SLC35F4: variants seen among roughly 807,000 people sequenced by gnomAD.
SLC35F4 encodes chromosome 14 open reading frame 36.
SLC35F4 carries 24 observed loss-of-function variants against 44.2 expected under a neutral mutation model. The observed-to-expected ratio is 0.54, with a 90% CI of 0.39 to 0.76. The LOEUF is 0.76. SLC35F4 is among the 30% of genes least tolerant of loss of function. SLC35F4 has a pLI of 0.00. For synonymous variants in SLC35F4, 238 were observed against 223.6 expected (o/e 1.06, Z -0.57); for missense variants, 562 against 586.1 (o/e 0.96, Z 0.42).
intron 1 of SLC35F4, among the ~76,000 whole-genome samples, chr14:57,802,982 T>G (rs1223151688): frequency 7.7e-5 from 5 of 65,334 alleles, no homozygotes; most frequent in Non-Finnish European, 1.3e-4. Context: ...TTGGCAGAGA[T>G]ACCAAAAAAA....
chr14:57,677,704 C>T lies in SLC35F4; in HGVS notation c.104-83580G>A, dbSNP rs372006703. On this transcript the variant is annotated intron_variant, in intron 1 of 7. Coordinates refer to ENST00000556826, the MANE Select transcript of SLC35F4 (RefSeq NM_001306087.2). Reference sequence around the variant, plus strand: ...TGCCTATAGGCAAAATGCTCCCCTTCACACATACATATATGCATAAAATGA... The same window carrying T: ...TGCCTATAGGCAAAATGCTCCCCTTTACACATACATATATGCATAAAATGA... 7.4e-4 allele frequency among the ~76,000 whole-genome samples: 113 copies of T among 152,046 alleles called. 2 individuals are homozygous for T. In the South Asian group the frequency reaches 0.022, roughly 30 times the overall value.
chr14:57,659,965 C>A (rs2074086604), intron 1 of SLC35F4, among the ~76,000 whole-genome samples: 1 of 152,178 alleles, frequency 6.6e-6, no homozygotes, highest in East Asian at 1.9e-4. Flanking sequence ...CACAGTTTTG[C>A]AAATTAGTAC....
intron 1 of SLC35F4, among the ~76,000 whole-genome samples, chr14:57,670,247 G>C (rs2074468093): frequency 6.6e-6 from 1 of 151,964 alleles, no homozygotes; most frequent in Non-Finnish European, 1.5e-5. Context: ...CTTGCTAGCA[G>C]TCTATCAATT....
intron 1 of SLC35F4, among the ~76,000 whole-genome samples, chr14:57,782,670 A>G (rs2077652634): frequency 6.6e-6 from 1 of 152,208 alleles, no homozygotes. Context: ...AAGTGTTGTC[A>G]GCATCTGCTT....
chr14:57,642,379 T>G (rs186331021), intron 1 of SLC35F4, among the ~76,000 whole-genome samples: 18 of 152,178 alleles, frequency 1.2e-4, no homozygotes, highest in Middle Eastern at 3.4e-3. Flanking sequence ...CATTTTGCTT[T>G]TCCACAACAT....
chr14:57,929,000 C>T (rs1266980229), intron 1 of SLC35F4, among the ~76,000 whole-genome samples: 1 of 152,068 alleles, frequency 6.6e-6, no homozygotes, highest in Non-Finnish European at 1.5e-5. Flanking sequence ...CAAATCTGAA[C>T]ATTAGAGAGG....
chr14:57,715,367 C>T (rs8012023), intron 1 of SLC35F4, among the ~76,000 whole-genome samples: 69,409 of 152,116 alleles, frequency 0.46, 15,911 homozygotes, highest in South Asian at 0.53. Flanking sequence ...ATCATCTTGG[C>T]ATAATTATTA....
chr14:57,963,926 T>C (rs1890386034), intron 1 of SLC35F4, among the ~76,000 whole-genome samples: 1 of 151,966 alleles, frequency 6.6e-6, no homozygotes, highest in Non-Finnish European at 1.5e-5. Flanking sequence ...TCTCGTCATC[T>C]TGCCCAGGCT....
Position 57,961,603 on chromosome 14 carries a change from T to A in SLC35F4, n.282+20310A>T, listed in dbSNP as rs143974596. Among the ~76,000 whole-genome samples, 39 of 152,332 alleles carry A rather than the reference T, an allele frequency of 2.6e-4. 1 individual carries two copies. Among genetic ancestry groups the A allele is most frequent in the African/African-American group, 8.9e-4 (37 of 41,566 alleles). On this transcript the variant is annotated intron_variant and non_coding_transcript_variant, in intron 1 of 1. Coordinates refer to the SLC35F4 transcript ENST00000556568. ...GCCTTTCAGTGCTCTTGGGTTAAAG[T>A]GCAAGACTCTTAAGATGCCTATAAT...
chr14:57,804,483 T>G (rs760174240), intron 1 of SLC35F4, among the ~76,000 whole-genome samples: 11 of 152,170 alleles, frequency 7.2e-5, no homozygotes, highest in Non-Finnish European at 1.5e-4. Flanking sequence ...TACAACCATC[T>G]GATCTTCAAC....
chr14:57,597,798 C>T (rs940797176), intron 1 of SLC35F4, among the ~76,000 whole-genome samples: 15 of 152,132 alleles, frequency 9.9e-5, no homozygotes, highest in African/African-American at 3.6e-4. Context: ...ACGATCAGCT[C>T]TAAGATGCTG....
At chr14:57,956,929 C>T (rs947801469) in intron 1 of SLC35F4, among the ~76,000 whole-genome samples, 2 of 152,168 alleles carry the variant, frequency 1.3e-5, no homozygotes. Context: ...ACCCAGCAAT[C>T]CCATCACTGG....
intron 1 of SLC35F4, among the ~76,000 whole-genome samples, chr14:57,889,024 C>T (rs1381784925): frequency 1.3e-5 from 2 of 152,188 alleles, no homozygotes; most frequent in Non-Finnish European, 2.9e-5. Context: ...AGACAAGTTA[C>T]CTGCCCCAAA....
chr14:57,874,774 C>G (rs1029134118), intron 1 of SLC35F4, among the ~76,000 whole-genome samples: 1 of 152,176 alleles, frequency 6.6e-6, no homozygotes, highest in Non-Finnish European at 1.5e-5. Context: ...TCTTCTTATC[C>G]TTCTTTCTGT....
At chr14:57,788,481 A>G (rs2077825809) in intron 1 of SLC35F4, among the ~76,000 whole-genome samples, 1 of 152,202 alleles carries the variant, frequency 6.6e-6, no homozygotes, top group South Asian at 2.1e-4. Context: ...TAAACAGTGC[A>G]TGGAACTTTC....
chr14:57,925,515 G>A (rs12890298), intron 1 of SLC35F4, among the ~76,000 whole-genome samples: 4,821 of 63,484 alleles, frequency 0.076, 213 homozygotes, highest in Middle Eastern at 0.13. Context: ...GGGAGGGAGG[G>A]AGGGAGGGAG....
intron 4 of SLC35F4, chr14:57,580,509 G>A: frequency 2.6e-6 from 1 of 390,502 alleles, no homozygotes; most frequent in Non-Finnish European, 5.0e-6. Context: ...ATGAGATCTG[G>A]CTCCTTAAAT....
chr14:57,740,093 C>T (rs2076567795), intron 1 of SLC35F4, among the ~76,000 whole-genome samples: 1 of 152,102 alleles, frequency 6.6e-6, no homozygotes, highest in Non-Finnish European at 1.5e-5. Flanking sequence ...CTTCTGGCCT[C>T]AAGTGATCCA....
intron 1 of SLC35F4, among the ~76,000 whole-genome samples, chr14:57,949,971 T>C (rs1182099664): frequency 6.6e-6 from 1 of 152,190 alleles, no homozygotes; most frequent in Non-Finnish European, 1.5e-5. Context: ...CTTTCCTTTG[T>C]CTTGACTTTA....
Sources: allele counts gnomAD v4.1 joint callset (sites outside exome capture counted in the v4.1 genomes callset), GRCh38; gene constraint gnomAD v4.1.1; transcripts MANE v1.5; gene names NCBI Gene and HGNC (gene_info 2026-07-23, HGNC 2026-07-21).